DLG2: variants seen among roughly 807,000 people sequenced by gnomAD.
The protein encoded by DLG2 is disks large homolog 2.
Under a neutral mutation model 132.5 loss-of-function variants are expected in DLG2, and 45 were observed. The observed-to-expected ratio is 0.34, with a 90% confidence interval of 0.27 to 0.44. The LOEUF is 0.44. Among genes scored for constraint, DLG2 ranks in the 20% least tolerant of loss-of-function variants. The pLI, the probability that DLG2 is intolerant of heterozygous loss-of-function variation, is 1.00. For synonymous variants in DLG2, 424 were observed against 419.6 expected, an observed-to-expected ratio of 1.01 and a Z score of -0.13; for missense variants, 1,045 against 1,196.9, an observed-to-expected ratio of 0.87 and a Z score of 1.87.
chr11:84,548,270 C>CT (rs910664437), intron 6 of DLG2, among the ~76,000 whole-genome samples: 19 of 149,668 alleles, frequency 1.3e-4, no homozygotes, highest in South Asian at 6.4e-4. Context: ...GCTAAGTATT[C>CT]TTTTTTTTTT....
intron 6 of DLG2, among the ~76,000 whole-genome samples, chr11:84,840,011 G>T (rs1182939634): frequency 6.6e-6 from 1 of 152,108 alleles, no homozygotes; most frequent in South Asian, 2.1e-4. Flanking sequence ...AAACTAGAGA[G>T]CTTCTGTACA....
chr11:83,875,317 C>G (rs1302569868), intron 15 of DLG2, among the ~76,000 whole-genome samples: 1 of 151,960 alleles, frequency 6.6e-6, no homozygotes, highest in Non-Finnish European at 1.5e-5. Context: ...AAACACTTTT[C>G]TAAGTGTTTT....
chr11:85,604,988 T>C (rs934284885), intron 2 of DLG2, among the ~76,000 whole-genome samples: 6 of 152,160 alleles, frequency 3.9e-5, no homozygotes, highest in African/African-American at 1.2e-4. Flanking sequence ...TTACAGAACA[T>C]ACAGTGGTAT....
At position 84,945,149 on chromosome 11, in the gene DLG2, C is replaced by G. The variant is rs987188292; in HGVS notation, c.357+166512G>C. Among the ~76,000 whole-genome samples, 7 of 152,190 alleles carry G rather than the reference C, an allele frequency of 4.6e-5. No homozygotes were observed. In the East Asian group the frequency reaches 1.2e-3, roughly 25 times the overall value. On this transcript the variant is annotated intron_variant, in intron 6 of 27. Transcript: ENST00000376104. ...AGTTAGGTATTTATTGTAGTCTTTACAGCCTGGGCTTATTTGTACACATCC... is the reference window on the plus strand; with the variant it reads ...AGTTAGGTATTTATTGTAGTCTTTAGAGCCTGGGCTTATTTGTACACATCC...
At chr11:84,921,970 G>A (rs76015109) in intron 6 of DLG2, among the ~76,000 whole-genome samples, 1 of 152,174 alleles carries the variant, frequency 6.6e-6, no homozygotes, top group Non-Finnish European at 1.5e-5. Flanking sequence ...ATGCTTCCGG[G>A]TTGTAGTTGT....
At chr11:85,093,976 C>T (rs190666022) in intron 6 of DLG2, among the ~76,000 whole-genome samples, 1 of 152,276 alleles carries the variant, frequency 6.6e-6, no homozygotes, top group Admixed American at 6.5e-5. Flanking sequence ...GTTCTGCCAC[C>T]ATGATGCAAC....
intron 9 of DLG2, among the ~76,000 whole-genome samples, chr11:84,105,316 A>G (rs2092825811): frequency 6.6e-6 from 1 of 152,182 alleles, no homozygotes; most frequent in African/African-American, 2.4e-5. Flanking sequence ...TATTGGATAC[A>G]TTTTGAAACT....
intron 6 of DLG2, among the ~76,000 whole-genome samples, chr11:85,046,357 G>C (rs1310195403): frequency 6.6e-6 from 1 of 151,930 alleles, no homozygotes; most frequent in East Asian, 1.9e-4. Context: ...AATACAGTTA[G>C]ATAAATTTGA....
At chr11:85,193,318 A>C (rs1052290987) in intron 4 of DLG2, among the ~76,000 whole-genome samples, 2 of 152,208 alleles carry the variant, frequency 1.3e-5, no homozygotes, top group African/African-American at 4.8e-5. Flanking sequence ...TTCATCAGTT[A>C]ATGAGCACGA....
chr11:84,213,043 T>C (rs186778499), intron 8 of DLG2, among the ~76,000 whole-genome samples: 6 of 152,324 alleles, frequency 3.9e-5, no homozygotes, highest in African/African-American at 1.2e-4. Flanking sequence ...ACACTGTTAT[T>C]ATTCTTTACT....
intron 7 of DLG2, among the ~76,000 whole-genome samples, chr11:84,452,817 T>C (rs2099055322): frequency 6.6e-6 from 1 of 151,592 alleles, no homozygotes; most frequent in Admixed American, 6.6e-5. Flanking sequence ...TTCCAGCTAC[T>C]CAGGTTGGGG....
chr11:84,350,045 G>A (rs1187105335), intron 7 of DLG2, among the ~76,000 whole-genome samples: 1 of 151,932 alleles, frequency 6.6e-6, no homozygotes, highest in African/African-American at 2.4e-5. Context: ...GGGCGTGGTG[G>A]TGGGCGCCTG....
chr11:83,588,603 G>A (rs1472622674), intron 19 of DLG2, among the ~76,000 whole-genome samples: 2 of 151,518 alleles, frequency 1.3e-5, no homozygotes, highest in Non-Finnish European at 2.9e-5. Context: ...CCAAAGGAAC[G>A]CAGTTCCTCA....
intron 3 of DLG2, among the ~76,000 whole-genome samples, chr11:85,515,758 T>C (rs1246864497): frequency 6.6e-6 from 1 of 151,998 alleles, no homozygotes; most frequent in African/African-American, 2.4e-5. Context: ...CTCATTCATA[T>C]AGTAGAAATT....
intron 6 of DLG2, chr11:84,936,572 C>T (rs1269880897): frequency 2.0e-5 from 3 of 151,992 alleles, no homozygotes; most frequent in African/African-American, 7.2e-5. Flanking sequence ...ATTCTATATA[C>T]ATATTTTATA....
intron 6 of DLG2, among the ~76,000 whole-genome samples, chr11:85,001,506 C>T (rs1347352091): frequency 6.6e-6 from 1 of 152,106 alleles, no homozygotes; most frequent in South Asian, 2.1e-4. Flanking sequence ...TGGATGTCAT[C>T]AGAGAGTATG....
intron 6 of DLG2, among the ~76,000 whole-genome samples, chr11:85,075,563 C>A (rs1455998585): frequency 1.3e-5 from 2 of 151,862 alleles, no homozygotes; most frequent in Non-Finnish European, 2.9e-5. Flanking sequence ...CCCCAAATTA[C>A]AGAGTATACC....
At chr11:85,615,001 T>C (rs1018014666) in intron 2 of DLG2, among the ~76,000 whole-genome samples, 1 of 152,242 alleles carries the variant, frequency 6.6e-6, no homozygotes, top group Non-Finnish European at 1.5e-5. Context: ...TTTGCAATTA[T>C]ACTTTACCCT....
At chr11:85,033,243 G>C (rs1259031299) in intron 6 of DLG2, among the ~76,000 whole-genome samples, 2 of 152,068 alleles carry the variant, frequency 1.3e-5, no homozygotes, top group Non-Finnish European at 2.9e-5. Flanking sequence ...AGGAAGGCAA[G>C]CATTCCATTA....
Sources: allele counts gnomAD v4.1 joint callset (sites outside exome capture counted in the v4.1 genomes callset), GRCh38; gene constraint gnomAD v4.1.1; transcripts MANE v1.5; gene names NCBI Gene and HGNC (gene_info 2026-07-23, HGNC 2026-07-21).